The following DSCAM variants were observed in gnomAD, a reference collection of about 807,000 sequenced individuals.
The protein encoded by DSCAM is cell adhesion molecule DSCAM.
Under a neutral mutation model 217.7 loss-of-function variants are expected in DSCAM, and 47 were observed. The observed-to-expected ratio is 0.22, with a 90% CI of 0.17 to 0.28. The LOEUF is 0.28. Ranked by LOEUF, DSCAM falls within the 10% of genes least tolerant of loss-of-function variation. DSCAM has a pLI of 1.00. For synonymous variants in DSCAM, 1,056 were observed against 1,015.3 expected (o/e 1.04, Z -0.76); for missense variants, 2,080 against 2,618.3 (o/e 0.79, Z 4.49).
chr21:40,496,089 T>C (rs986885890), intron 3 of DSCAM, among the ~76,000 whole-genome samples: 1 of 152,192 alleles, frequency 6.6e-6, no homozygotes. Flanking sequence ...GTTGTTAAGA[T>C]GTCCATATTA....
chr21:40,207,926 CAG>C (rs1485110523), intron 11 of DSCAM, among the ~76,000 whole-genome samples: 7 of 152,330 alleles, frequency 4.6e-5, no homozygotes, highest in African/African-American at 1.7e-4. Context: ...GGACACCAGT[CAG>C]ATTAGATGAG....
intron 1 of DSCAM, among the ~76,000 whole-genome samples, chr21:40,802,004 C>T (rs1333499116): frequency 1.3e-5 from 2 of 152,138 alleles, no homozygotes; most frequent in East Asian, 3.9e-4. Flanking sequence ...GAGGCAGGAC[C>T]TCCACCAGGA....
intron 3 of DSCAM, among the ~76,000 whole-genome samples, chr21:40,429,050 T>G (rs907938944): frequency 6.6e-6 from 1 of 152,112 alleles, no homozygotes; most frequent in Non-Finnish European, 1.5e-5. Context: ...GCAAGGGAGA[T>G]GAACTGGCAA....
chr21:40,836,719 T>C (rs1222248168), intron 1 of DSCAM, among the ~76,000 whole-genome samples: 2 of 152,222 alleles, frequency 1.3e-5, no homozygotes, highest in Admixed American at 6.5e-5. Context: ...GGCAAAGGCA[T>C]GCGTTAATAA....
chr21:40,288,509 T>C (rs548631760), intron 10 of DSCAM, among the ~76,000 whole-genome samples: 1 of 152,178 alleles, frequency 6.6e-6, no homozygotes, highest in Non-Finnish European at 1.5e-5. Context: ...AGGGGAGTAT[T>C]GTCAAAACAG....
At position 40,629,076 on chromosome 21, in the gene DSCAM, GGTGTGTGTGTGTGTGTGTGTGTGT is replaced by G. The variant is rs57351838; in HGVS notation, c.508+63710_508+63733del. On this transcript the variant is annotated intron_variant, in intron 3 of 32. Coordinates refer to ENST00000400454, the MANE Select transcript of DSCAM (RefSeq NM_001389.5). ...ATGTGTGTGTAGTATGTGTGTGTGTGGTGTGTGTGTGTGTGTGTGTGTGTGTGTGTGTGTGTGTGTGTGATATTA... is the reference window on the plus strand; with the variant it reads ...ATGTGTGTGTAGTATGTGTGTGTGTGGTGTGTGTGTGTGTGTGTGATATTA... Among the ~76,000 whole-genome samples the G allele has an allele frequency of 1.2e-4, 18 of 144,356 alleles. No homozygotes were observed. The South Asian group carries it at 3.6e-3, about 29-fold the overall frequency. The allele number at this position is 144,356 out of a possible 152,430, so 94.7% of individuals were successfully genotyped here.
chr21:40,567,121 T>C (rs2076770754), intron 3 of DSCAM, among the ~76,000 whole-genome samples: 1 of 152,108 alleles, frequency 6.6e-6, no homozygotes, highest in Non-Finnish European at 1.5e-5. Flanking sequence ...TAAAGACAAA[T>C]ACAATCAGGC....
chr21:40,834,453 T>C (rs1426481017), intron 1 of DSCAM, among the ~76,000 whole-genome samples: 1 of 147,538 alleles, frequency 6.8e-6, no homozygotes, highest in Non-Finnish European at 1.5e-5. Flanking sequence ...ATAATAATAA[T>C]AATAATAATA....
chr21:40,694,561 C>A (rs149543449), intron 2 of DSCAM, among the ~76,000 whole-genome samples: 1 of 151,990 alleles, frequency 6.6e-6, no homozygotes, highest in Non-Finnish European at 1.5e-5. Flanking sequence ...TAACATTAGC[C>A]GTTTTTCCCC....
intron 1 of DSCAM, among the ~76,000 whole-genome samples, chr21:40,715,003 A>G (rs1465841559): frequency 2.0e-5 from 3 of 152,148 alleles, no homozygotes; most frequent in Non-Finnish European, 2.9e-5. Flanking sequence ...TTTTCTTTCT[A>G]TCCTGAACAC....
intron 3 of DSCAM, among the ~76,000 whole-genome samples, chr21:40,465,523 C>T (rs190278488): frequency 5.9e-5 from 9 of 152,178 alleles, no homozygotes; most frequent in East Asian, 1.9e-4. Context: ...AATAATGAGA[C>T]GAGCCATTCA....
At chr21:40,709,172 G>A (rs1277758511) in intron 1 of DSCAM, among the ~76,000 whole-genome samples, 2 of 152,032 alleles carry the variant, frequency 1.3e-5, no homozygotes, top group African/African-American at 4.8e-5. Flanking sequence ...ACTATTACCT[G>A]GAGCATAGAG....
intron 3 of DSCAM, 48 bp from the exon 4 acceptor site, chr21:40,369,293 C>A: frequency 6.4e-7 from 1 of 1,559,106 alleles, no homozygotes; most frequent in Non-Finnish European, 8.6e-7. Context: ...ATGAAAGCAA[C>A]CCAACCACAC....
intron 3 of DSCAM, among the ~76,000 whole-genome samples, chr21:40,508,758 TATATATATA>T (rs2076231989): frequency 2.7e-4 from 4 of 14,768 alleles, no homozygotes; most frequent in Non-Finnish European, 5.1e-4. Context: ...TATATATATA[TATATATATA>T]TATATATATA....
chr21:40,576,722 CAGA>C lies in DSCAM; in HGVS notation c.508+116085_508+116087del, dbSNP rs201491177. ...TATATAGAACTCCTGAAAAATCCAACAGAAGAAGACAGGAAGCCCCATAGGAGC... is the reference window on the plus strand; with the variant it reads ...TATATAGAACTCCTGAAAAATCCAACAGAAGACAGGAAGCCCCATAGGAGC... On this transcript the variant is annotated intron_variant, in intron 3 of 32. Transcript: ENST00000400454. Among the ~76,000 whole-genome samples, 121 of 151,948 alleles carry C rather than the reference CAGA, an allele frequency of 8.0e-4. 3 individuals are homozygous for C. The East Asian group carries it at 0.021, about 26-fold the overall frequency.
intron 20 of DSCAM, among the ~76,000 whole-genome samples, chr21:40,106,900 A>AT (rs56714391): frequency 0.34 from 49,473 of 145,212 alleles, 9,287 homozygotes; most frequent in South Asian, 0.54. Flanking sequence ...TATCTATTTT[A>AT]TTTTTTTTTT....
intron 1 of DSCAM, among the ~76,000 whole-genome samples, chr21:40,738,715 C>T (rs917644299): frequency 2.0e-5 from 3 of 152,206 alleles, no homozygotes; most frequent in Non-Finnish European, 4.4e-5. Context: ...CCAGGTTTTG[C>T]GCATCTCACA....
At chr21:40,636,946 T>G (rs1031548767) in intron 3 of DSCAM, among the ~76,000 whole-genome samples, 3 of 149,852 alleles carry the variant, frequency 2.0e-5, no homozygotes, top group Non-Finnish European at 4.4e-5. Flanking sequence ...CTTTGTCATC[T>G]CAGCACTATC....
intron 10 of DSCAM, among the ~76,000 whole-genome samples, chr21:40,282,761 C>T (rs986379594): frequency 6.6e-6 from 1 of 151,942 alleles, no homozygotes; most frequent in Non-Finnish European, 1.5e-5. Flanking sequence ...AAATAATTTT[C>T]ACCAGAAAAA....
Sources: gnomAD v4.1 joint callset for allele counts (sites outside exome capture counted in the v4.1 genomes callset) on GRCh38, gnomAD v4.1.1 for gene constraint, MANE v1.5 for transcripts, NCBI Gene and HGNC (gene_info 2026-07-23, HGNC 2026-07-21) for gene names.